The following NEK10 variants were observed in gnomAD, a reference collection of about 807,000 sequenced individuals.
The protein encoded by NEK10 is NIMA related kinase 10.
A neutral mutation model predicts 159.8 loss-of-function variants in NEK10; 122 were observed. That is an observed-to-expected ratio of 0.76 (90% CI 0.66 to 0.89). The LOEUF is 0.89. NEK10 is among the 40% of genes least tolerant of loss of function. NEK10 has a pLI of 0.00. For missense variants in NEK10, 1,342 were observed against 1,323.1 expected (o/e 1.01, Z -0.22); for synonymous variants, 466 against 457.1 (o/e 1.02, Z -0.25).
At chr3:27,180,692 T>C (rs899780428) in intron 26 of NEK10, among the ~76,000 whole-genome samples, 1 of 152,168 alleles carries the variant, frequency 6.6e-6, no homozygotes, top group Non-Finnish European at 1.5e-5. Context: ...AAACTGCACA[T>C]TTTGCACATG....
At chr3:27,230,737 AC>A (rs1271906025) in intron 23 of NEK10, among the ~76,000 whole-genome samples, 1 of 152,042 alleles carries the variant, frequency 6.6e-6, no homozygotes, top group Non-Finnish European at 1.5e-5. Context: ...ATGAGACAAA[AC>A]AGACTTTAAA....
Position 27,293,623 on chromosome 3 carries a change from G to C in NEK10, c.1338C>G (p.Leu446=). 1 of 1,579,466 alleles carries C rather than the reference G, an allele frequency of 6.3e-7. No individual in the cohort carries two copies. Among genetic ancestry groups the C allele is most frequent in the Non-Finnish European group, 8.7e-7 (1 of 1,151,732 alleles). ...GTGGTCTGTTTCTTTCCATACTGAAGAGAAATCTCAAGGCTCTGAAAGCAT... is the reference window on the plus strand; with the variant it reads ...GTGGTCTGTTTCTTTCCATACTGAACAGAAATCTCAAGGCTCTGAAAGCAT... The part of the protein sequence containing the change: ...QCYAFRALRF[L]FSMERNRPLF... The change falls in exon 16 of 36, where the codon CTC becomes CTG. Residue 446 remains leucine (L), a synonymous_variant. Coordinates refer to ENST00000691995, the MANE Select transcript of NEK10 (RefSeq NM_001394966.1).
intron 6 of NEK10, 35 bp downstream of exon 6, chr3:27,322,142 C>T: frequency 9.3e-7 from 1 of 1,073,416 alleles, no homozygotes; most frequent in South Asian, 1.5e-5. Context: ...AACTTTATAA[C>T]AAGTAAAAAA....
intron 32 of NEK10, among the ~76,000 whole-genome samples, chr3:27,130,956 G>GT (rs1002406688): frequency 6.6e-5 from 10 of 152,166 alleles, no homozygotes; most frequent in African/African-American, 2.4e-4. Flanking sequence ...TCCCCCATCT[G>GT]TTTTTGGTGT....
At chr3:27,298,285 T>A (rs1003108906) in intron 13 of NEK10, among the ~76,000 whole-genome samples, 8 of 152,156 alleles carry the variant, frequency 5.3e-5, no homozygotes, top group African/African-American at 1.4e-4. Context: ...CTTGTGATAG[T>A]GAATGAGTCT....
chr3:27,271,745 GAGA>G (rs1449389613), intron 22 of NEK10, among the ~76,000 whole-genome samples: 5 of 152,012 alleles, frequency 3.3e-5, no homozygotes, highest in African/African-American at 9.7e-5. Flanking sequence ...ATCATATTTG[GAGA>G]AGAAGAAAAT....
intron 23 of NEK10, among the ~76,000 whole-genome samples, chr3:27,243,830 GGTGTGT>G (rs56720203): frequency 0.12 from 17,999 of 148,300 alleles, 1,187 homozygotes; most frequent in Non-Finnish European, 0.16. Flanking sequence ...TGACACCATG[GGTGTGT>G]GTGTGTGTGT....
chr3:27,343,600 C>G (rs2047353607), intron 5 of NEK10, among the ~76,000 whole-genome samples: 1 of 152,206 alleles, frequency 6.6e-6, no homozygotes, highest in Admixed American at 6.5e-5. Context: ...CTGTTAGGAG[C>G]CTCCTTTGCA....
At chr3:27,267,714 C>A (rs999850750) in intron 22 of NEK10, among the ~76,000 whole-genome samples, 1 of 152,136 alleles carries the variant, frequency 6.6e-6, no homozygotes, top group Non-Finnish European at 1.5e-5. Context: ...CCTCCTTATC[C>A]CCCTAGACAC....
chr3:27,344,352 C>G lies in NEK10; in HGVS notation c.282G>C (p.Glu94Asp). The G allele has an allele frequency of 1.3e-6, 2 of 1,578,428 alleles. No homozygotes were observed. The highest frequency in any genetic ancestry group is 1.7e-6 in the Non-Finnish European group (2 of 1,152,968). Residue 94 changes from glutamate to aspartate, a missense_variant, in exon 5 of 36, where the codon GAG becomes GAC. Glu to Asp is a conservative substitution (Grantham distance 45). Transcript: ENST00000691995. The stretch of plus-strand genomic sequence containing the variant: ...GCTGAGGATGTTTGCTGAAATTTCT[C>G]TCATTCTTGTAGTTTATACTGAGAC... ...LENFSINYKN[E>D]RNFSKHPQRK... is the part of the protein sequence containing the mutation.
intron 23 of NEK10, among the ~76,000 whole-genome samples, chr3:27,203,976 T>C (rs1950265701): frequency 1.3e-5 from 2 of 151,986 alleles, no homozygotes; most frequent in African/African-American, 4.8e-5. Flanking sequence ...TTCCCTGCCA[T>C]CCCTTTATCA....
chr3:27,261,158 T>G (rs142427460), intron 22 of NEK10, among the ~76,000 whole-genome samples: 4,528 of 152,278 alleles, frequency 0.03, 84 homozygotes, highest in African/African-American at 0.035. Context: ...TTTGTTGATG[T>G]TTTCAAAATA....
intron 3 of NEK10, among the ~76,000 whole-genome samples, chr3:27,347,121 A>AT (rs2047608536): frequency 6.6e-6 from 1 of 152,138 alleles, no homozygotes; most frequent in South Asian, 2.1e-4. Context: ...CAAAAAAATC[A>AT]TTTTTCAGTA....
chr3:27,178,225 T>G (rs1173899167), intron 26 of NEK10, among the ~76,000 whole-genome samples: 3 of 152,180 alleles, frequency 2.0e-5, no homozygotes, highest in Non-Finnish European at 4.4e-5. Flanking sequence ...CATTTTCAGT[T>G]GAATAGCAAT....
chr3:27,174,665 C>T lies in NEK10; in HGVS notation c.2674G>A (p.Glu892Lys), dbSNP rs980974625. Residue 892 changes from glutamate (E) to lysine (K), a missense_variant, in exon 27 of 36, where the codon GAA (glutamate) becomes AAA (lysine). Coordinates refer to ENST00000691995, the MANE Select transcript of NEK10 (RefSeq NM_001394966.1). ...EILSDDNFNL[E>K]NAEKDTYSEV... ...CTAGCAGTACCTTTCTCAGCATTTT[C>T]CAGGTTGAAGTTATCATCTGACAGG... 1.2e-6 allele frequency: 2 copies of T among 1,610,034 alleles called. No homozygotes were observed. The highest frequency in any genetic ancestry group is 2.2e-5 in the East Asian group (1 of 44,848).
intron 35 of NEK10, 44 bp from the exon 36 acceptor site, chr3:27,111,364 A>G (rs766848001): frequency 6.9e-7 from 1 of 1,450,598 alleles, no homozygotes. Flanking sequence ...AGTTACAAAT[A>G]TTTTAGTTCA....
chr3:27,341,987 T>G (rs2047231782), intron 5 of NEK10, among the ~76,000 whole-genome samples: 1 of 152,000 alleles, frequency 6.6e-6, no homozygotes, highest in Admixed American at 6.6e-5. Flanking sequence ...CATGCAGCCT[T>G]TAGTTAGTTG....
chr3:27,212,824 C>T (rs1325930830), intron 23 of NEK10, among the ~76,000 whole-genome samples: 2 of 152,178 alleles, frequency 1.3e-5, no homozygotes, highest in African/African-American at 4.8e-5. Context: ...CAGGGCCACA[C>T]AGGGAGTAAC....
intron 2 of NEK10, 102 bp downstream of exon 2, chr3:27,352,710 T>C (rs1158823454): frequency 9.2e-6 from 8 of 865,230 alleles, no homozygotes; most frequent in South Asian, 4.3e-5. Flanking sequence ...TAACTCTGAA[T>C]AGTAGTTGTC....
Sources: allele counts gnomAD v4.1 joint callset (sites outside exome capture counted in the v4.1 genomes callset), GRCh38; gene constraint gnomAD v4.1.1; transcripts MANE v1.5; gene names NCBI Gene and HGNC (gene_info 2026-07-23, HGNC 2026-07-21).